Variants in SFSWAP observed in about 807,000 individuals in gnomAD.
The protein encoded by SFSWAP is splicing factor SWAP.
Under a neutral mutation model 100.7 loss-of-function variants are expected in SFSWAP, and 17 were observed. The ratio of observed to expected loss-of-function variants is 0.17; its 90% confidence interval spans 0.12 to 0.25. The LOEUF is 0.25. Ranked by LOEUF, SFSWAP falls within the 10% of genes least tolerant of loss-of-function variation. SFSWAP has a pLI of 1.00. For missense variants in SFSWAP, 1,005 were observed against 1,262.6 expected, an observed-to-expected ratio of 0.80 and a Z score of 3.09; for synonymous variants, 504 against 510.1, an observed-to-expected ratio of 0.99 and a Z score of 0.16.
chr12:131,753,510 G>A, intron 8 of SFSWAP, 147 bp downstream of exon 8: 1 of 1,083,222 alleles, frequency 9.2e-7, no homozygotes, highest in Non-Finnish European at 1.3e-6. Flanking sequence ...AAATCCCCAA[G>A]TTACAAAGTT....
Position 131,785,192 on chromosome 12 carries a change from C to T in SFSWAP, c.2409-1271C>T, listed in dbSNP as rs1179942135. On this transcript the variant is annotated intron_variant, in intron 14 of 17. Transcript: ENST00000261674. ...TCGACCACCACCAGATTTGACTCCGCGAGCTCTTTTGAGGGAAAACCTGGT... is the reference window on the plus strand; with the variant it reads ...TCGACCACCACCAGATTTGACTCCGTGAGCTCTTTTGAGGGAAAACCTGGT... 6 of 1,535,516 alleles carry T rather than the reference C, an allele frequency of 3.9e-6. No individual in the cohort carries two copies. In the Admixed American group the frequency reaches 5.9e-5, roughly 15 times the overall value.
At chr12:131,715,048 C>G in intron 3 of SFSWAP, 95 bp downstream of exon 3, 1 of 1,271,042 alleles carries the variant, frequency 7.9e-7, no homozygotes, top group East Asian at 2.3e-5. Context: ...ACATCTCTGG[C>G]ACTCATGATA....
intron 7 of SFSWAP, among the ~76,000 whole-genome samples, chr12:131,749,999 T>A (rs1032031018): frequency 2.6e-5 from 4 of 152,082 alleles, no homozygotes; most frequent in African/African-American, 9.7e-5. Context: ...TGTGAGGCCG[T>A]GCAAAGGACA....
intron 15 of SFSWAP, among the ~76,000 whole-genome samples, chr12:131,787,234 A>T (rs1032694248): frequency 2.0e-5 from 3 of 152,184 alleles, no homozygotes; most frequent in African/African-American, 7.2e-5. Flanking sequence ...CCCCTCACTC[A>T]GTGCCTGGCA....
chr12:131,711,392 G>A lies in SFSWAP; in HGVS notation c.163G>A (p.Glu55Lys). ...FRDDERALAQ[E>K]QGQHLIPWMG... is the part of the protein sequence containing the mutation. ...GGACGACGAGCGGGCCCTGGCTCAG[G>A]AACAGGGACAGCACCTCATCCCCTG... The change falls in exon 1 of 18, where the codon GAA (glutamate) becomes AAA (lysine). Residue 55 changes from glutamate (E) to lysine (K), a missense_variant. By Grantham distance (56) the Glu-to-Lys change is moderately conservative. Coordinates refer to ENST00000261674, the MANE Select transcript of SFSWAP (RefSeq NM_004592.4). The surrounding 1 kb of genome is among the most constrained non-coding windows in gnomAD (Gnocchi z 4.9). The A allele has an allele frequency of 6.2e-7, 1 of 1,613,856 alleles. No homozygotes were observed. The highest frequency in any genetic ancestry group is 8.5e-7 in the Non-Finnish European group (1 of 1,180,032).
At chr12:131,713,971 A>T in intron 1 of SFSWAP, 100 bp from the exon 2 acceptor site, 1 of 681,532 alleles carries the variant, frequency 1.5e-6, no homozygotes, top group Non-Finnish European at 2.2e-6. Flanking sequence ...TTAATCGGTA[A>T]GTATGTGTGT....
At chr12:131,744,987 C>T (rs1221259074) in intron 7 of SFSWAP, among the ~76,000 whole-genome samples, 2 of 152,194 alleles carry the variant, frequency 1.3e-5, no homozygotes, top group African/African-American at 4.8e-5. Context: ...CCCCATAATT[C>T]TGTCACCTCC....
In SFSWAP at chr12:131,746,494, G is replaced by A. The variant is rs191365194; in HGVS notation, c.1082-6629G>A. ...CTGGGTTTCCCTGTCCCCCGTCCCCGCCTGGAACATCACTGTTCTGAGCCT... is the reference window on the plus strand; with the variant it reads ...CTGGGTTTCCCTGTCCCCCGTCCCCACCTGGAACATCACTGTTCTGAGCCT... On this transcript the variant is annotated intron_variant, in intron 7 of 17. Coordinates refer to ENST00000261674, the MANE Select transcript of SFSWAP (RefSeq NM_004592.4). Among the ~76,000 whole-genome samples, 429 of 152,114 alleles carry A rather than the reference G, an allele frequency of 2.8e-3. 1 individual carries two copies. Among genetic ancestry groups the A allele is most frequent in the Admixed American group, 8.1e-3 (123 of 15,268 alleles).
At chr12:131,781,195 T>G (rs927480548) in intron 14 of SFSWAP, among the ~76,000 whole-genome samples, 1 of 151,890 alleles carries the variant, frequency 6.6e-6, no homozygotes, top group Non-Finnish European at 1.5e-5. Flanking sequence ...AGAATAGCTT[T>G]AGTTACATAT....
intron 11 of SFSWAP, among the ~76,000 whole-genome samples, chr12:131,761,567 G>A (rs1424178698): frequency 6.6e-6 from 1 of 152,212 alleles, no homozygotes; most frequent in Non-Finnish European, 1.5e-5. Context: ...CAGTGCAAAC[G>A]TGGAGCAGTG....
At chr12:131,753,508 A>G in intron 8 of SFSWAP, 145 bp downstream of exon 8, 1 of 1,080,118 alleles carries the variant, frequency 9.3e-7, no homozygotes. Context: ...CCAAATCCCC[A>G]AGTTACAAAG....
In SFSWAP at chr12:131,711,131, G is replaced by A; in HGVS notation, c.-99G>A. ...TGGCGGCGGTGTTGAGGTTGGGTAC[G>A]GGATGCGGGGTCTTTGACTGAAGGG... On this transcript the variant is annotated 5_prime_UTR_variant, in exon 1 of 18. Coordinates refer to ENST00000261674, the MANE Select transcript of SFSWAP (RefSeq NM_004592.4). This position sits in a 1 kb window ranked among gnomAD's most constrained non-coding sequence, Gnocchi z 4.9. 1.0e-6 allele frequency: 1 copy of A among 992,942 alleles called. No homozygotes were observed. Among genetic ancestry groups the A allele is most frequent in the Non-Finnish European group, 1.4e-6 (1 of 693,682 alleles). 61.5% of individuals were successfully genotyped at this position (992,942 alleles called of 1,614,324 possible).
At position 131,711,726 on chromosome 12, in the gene SFSWAP, C is replaced by T; in HGVS notation, c.218+279C>T. ...CTCGACCCCTCACCCTGTCGCTGGG[C>T]TGCAGTTGGCGATTCCGCGCGGTGA... is the stretch of plus-strand genomic sequence containing the variant. On this transcript the variant is annotated intron_variant, in intron 1 of 17. Transcript: ENST00000261674. The surrounding 1 kb of genome is among the most constrained non-coding windows in gnomAD (Gnocchi z 4.9). 4.7e-6 allele frequency: 2 copies of T among 422,186 alleles called. No homozygotes were observed. The highest frequency in any genetic ancestry group is 4.3e-6 in the Non-Finnish European group (1 of 230,630). 26.2% of individuals were successfully genotyped at this position (422,186 alleles called of 1,614,324 possible).
intron 7 of SFSWAP, among the ~76,000 whole-genome samples, chr12:131,746,302 A>C (rs2136214799): frequency 6.6e-6 from 1 of 152,340 alleles, no homozygotes; most frequent in East Asian, 1.9e-4. Flanking sequence ...CCGCCTTCCT[A>C]GCTGAGGACC....
At chr12:131,773,998 A>G (rs1288875488) in intron 13 of SFSWAP, among the ~76,000 whole-genome samples, 1 of 152,212 alleles carries the variant, frequency 6.6e-6, no homozygotes, top group Non-Finnish European at 1.5e-5. Flanking sequence ...TCAGGAAGAC[A>G]CTTTCTCAGG....
At chr12:131,755,641 T>A (rs1882087714) in intron 10 of SFSWAP, among the ~76,000 whole-genome samples, 162 bp downstream of exon 10, 2 of 152,140 alleles carry the variant, frequency 1.3e-5, no homozygotes, top group African/African-American at 4.8e-5. Context: ...ACGTCCCCCT[T>A]AGCTCTGGAA....
intron 14 of SFSWAP, among the ~76,000 whole-genome samples, chr12:131,782,573 C>T (rs968485034): frequency 9.2e-5 from 14 of 152,050 alleles, no homozygotes; most frequent in African/African-American, 3.1e-4. Flanking sequence ...AGTAGAATAC[C>T]GCAGTTGTTA....
At chr12:131,736,426 T>C (rs1593128433) in intron 7 of SFSWAP, among the ~76,000 whole-genome samples, 1 of 152,172 alleles carries the variant, frequency 6.6e-6, no homozygotes, top group South Asian at 2.1e-4. Flanking sequence ...AAAAAAAGCC[T>C]GTATGTCTAA....
intron 14 of SFSWAP, among the ~76,000 whole-genome samples, chr12:131,786,155 T>C (rs780346809): frequency 6.6e-6 from 1 of 152,194 alleles, no homozygotes; most frequent in Non-Finnish European, 1.5e-5. Context: ...TGGTTGCCAT[T>C]GACCACGTGA....
Sources: gnomAD v4.1 joint callset for allele counts (sites outside exome capture counted in the v4.1 genomes callset) on GRCh38, gnomAD v4.1.1 for gene constraint, Gnocchi (gnomAD v3.1) non-coding constraint, MANE v1.5 for transcripts, NCBI Gene and HGNC (gene_info 2026-07-23, HGNC 2026-07-21) for gene names.